EPG5: variants seen among roughly 807,000 people sequenced by gnomAD.
The protein encoded by EPG5 is ectopic P-granules 5 autophagy tethering factor.
Under a neutral mutation model 302.7 loss-of-function variants are expected in EPG5, and 159 were observed. That is an observed-to-expected ratio of 0.53 (90% confidence interval 0.46 to 0.60). EPG5 has a LOEUF of 0.60. Ranked by LOEUF, EPG5 falls within the 20% of genes least tolerant of loss-of-function variation. The pLI is 0.00. For missense variants in EPG5, 2,896 were observed against 3,092.4 expected (o/e 0.94, Z 1.51); for synonymous variants, 1,158 against 1,136.8 (o/e 1.02, Z -0.37).
chr18:45,892,038 A>C (rs2049363473), intron 27 of EPG5, among the ~76,000 whole-genome samples: 1 of 152,192 alleles, frequency 6.6e-6, no homozygotes, highest in Non-Finnish European at 1.5e-5. Flanking sequence ...ATAAGGAAGG[A>C]AGACACAGAA....
chr18:45,839,981 G>T, the EPG5 span, among the ~76,000 whole-genome samples: 1 of 152,092 alleles, frequency 6.6e-6, no homozygotes, highest in African/African-American at 2.4e-5. Context: ...TTGTGCTCAG[G>T]GTGCTCAGAA....
chr18:45,959,166 G>T (rs2051093102), intron 1 of EPG5, among the ~76,000 whole-genome samples: 1 of 152,204 alleles, frequency 6.6e-6, no homozygotes, highest in Non-Finnish European at 1.5e-5. Context: ...CAGCGGGCAA[G>T]GTGAACCCCT....
At chr18:45,887,683 T>C in intron 29 of EPG5, 68 bp downstream of exon 29, 1 of 1,315,072 alleles carries the variant, frequency 7.6e-7, no homozygotes, top group South Asian at 2.2e-5. Flanking sequence ...ATGCTGACTA[T>C]ATCCAAAGAA....
chr18:45,886,542 CA>C (rs2047360754), intron 29 of EPG5, among the ~76,000 whole-genome samples: 2 of 152,116 alleles, frequency 1.3e-5, no homozygotes, highest in African/African-American at 2.4e-5. Flanking sequence ...CACACATATA[CA>C]AGACAAACTA....
intron 16 of EPG5, among the ~76,000 whole-genome samples, chr18:45,920,249 G>T (rs1213035045): frequency 6.6e-6 from 1 of 152,156 alleles, no homozygotes; most frequent in African/African-American, 2.4e-5. Flanking sequence ...CCTTCATAGA[G>T]CAAACAGTCA....
chr18:45,857,831 T>C (rs758922509), intron 42 of EPG5, 22 bp downstream of exon 42: 31 of 1,603,848 alleles, frequency 1.9e-5, no homozygotes, highest in Non-Finnish European at 2.6e-5. Context: ...AGAACAACAG[T>C]GTTAGAAAGG....
chr18:45,864,289 G>A (rs1050247583), intron 39 of EPG5, among the ~76,000 whole-genome samples: 1 of 151,980 alleles, frequency 6.6e-6, no homozygotes, highest in Admixed American at 6.6e-5. Flanking sequence ...TGCAATCTGA[G>A]TATTTTCTTC....
chr18:45,900,634 T>C (rs2049593091), intron 26 of EPG5, among the ~76,000 whole-genome samples: 2 of 152,136 alleles, frequency 1.3e-5, no homozygotes, highest in South Asian at 4.1e-4. Flanking sequence ...TATGGAGAAG[T>C]AGAGAGTACA....
At chr18:45,838,183 C>T in the EPG5 span, among the ~76,000 whole-genome samples, 1 of 152,152 alleles carries the variant, frequency 6.6e-6, no homozygotes, top group African/African-American at 2.4e-5. Flanking sequence ...GACGAAGAGG[C>T]GAGAAAGACA....
chr18:45,818,051 G>A, the EPG5 span, among the ~76,000 whole-genome samples: 130 of 152,038 alleles, frequency 8.6e-4, no homozygotes, highest in African/African-American at 2.9e-3. Flanking sequence ...ACACTATATA[G>A]ACTATTCTAT....
intron 9 of EPG5, among the ~76,000 whole-genome samples, chr18:45,942,321 G>A (rs954366990): frequency 6.6e-6 from 1 of 152,114 alleles, no homozygotes; most frequent in African/African-American, 2.4e-5. Context: ...AAATGAATTA[G>A]GCCAGGCACG....
At position 45,903,991 on chromosome 18, in the gene EPG5, A is replaced by G; in HGVS notation, c.4456T>C (p.Phe1486Leu). Residue 1486 changes from phenylalanine (F) to leucine (L), a missense_variant, in exon 25 of 44, where the codon TTC becomes CTC. By Grantham distance (22) the Phe-to-Leu change is conservative. This residue lies in a region of EPG5 where 790 missense variants were observed against 798.0 expected (regional missense o/e 0.99). Coordinates refer to ENST00000282041, the MANE Select transcript of EPG5 (RefSeq NM_020964.3). ...TPCSLSVQLD[F>L]TDPLLAKERV... ...GACCCACCCAGCAAAGGATCAGTGA[A>G]GTCCAGCTGCACGGACAAACTGCAG... 6.2e-7 allele frequency: 1 copy of G among 1,610,440 alleles called. No individual in the cohort carries two copies.
the EPG5 span, among the ~76,000 whole-genome samples, chr18:45,839,895 CTT>C: frequency 6.6e-6 from 1 of 152,144 alleles, no homozygotes; most frequent in Non-Finnish European, 1.5e-5. Flanking sequence ...TGAGATCAGA[CTT>C]TGTCACAGTG....
intron 2 of EPG5, chr18:45,954,080 T>G: frequency 3.7e-6 from 1 of 271,628 alleles, no homozygotes; most frequent in Non-Finnish European, 5.6e-6. Flanking sequence ...TTTCTAGTTT[T>G]TCTTGTAAAA....
At chr18:45,965,880 C>T (rs899085049) in intron 1 of EPG5, among the ~76,000 whole-genome samples, 1 of 151,162 alleles carries the variant, frequency 6.6e-6, no homozygotes, top group Non-Finnish European at 1.5e-5. Flanking sequence ...AAGGAGAAAC[C>T]CCGTCTCTAC....
intron 16 of EPG5, among the ~76,000 whole-genome samples, chr18:45,921,130 C>T (rs547136775): frequency 1.2e-4 from 19 of 152,254 alleles, no homozygotes; most frequent in African/African-American, 4.3e-4. Flanking sequence ...ATAGTACTGC[C>T]GATTTATTTA....
Position 45,910,562 on chromosome 18 carries a change from A to T in EPG5, c.4164T>A (p.Pro1388=), listed in dbSNP as rs759352136. Residue 1388 remains proline (P), a synonymous_variant, in exon 23 of 44, where the codon CCT becomes CCA. Coordinates refer to ENST00000282041, the MANE Select transcript of EPG5 (RefSeq NM_020964.3). Reference sequence around the variant, plus strand: ...GCAGTTCTGGTGAAGTCAGGTAACCAGGGGTGCCAGAGTGGCTCTCTGGCA... The same window carrying T: ...GCAGTTCTGGTGAAGTCAGGTAACCTGGGGTGCCAGAGTGGCTCTCTGGCA... ...EGLPESHSGT[P]GYLTSPELHK... is the part of the protein sequence containing the mutation. The T allele has an allele frequency of 6.2e-7, 1 of 1,613,474 alleles. No homozygotes were observed. The highest frequency in any genetic ancestry group is 1.7e-5 in the Admixed American group (1 of 59,968).
intron 1 of EPG5, among the ~76,000 whole-genome samples, chr18:45,965,761 A>G (rs1358192090): frequency 6.6e-6 from 1 of 152,222 alleles, no homozygotes; most frequent in Non-Finnish European, 1.5e-5. Flanking sequence ...CTTAGAAAAT[A>G]TATATAAATA....
chr18:45,935,087 G>T, intron 10 of EPG5, 121 bp from the exon 11 acceptor site: 1 of 1,054,388 alleles, frequency 9.5e-7, no homozygotes, highest in Non-Finnish European at 1.4e-6. Flanking sequence ...TTTCTAATAT[G>T]CTTTAGTCAT....
Sources: gnomAD v4.1 joint callset for allele counts (sites outside exome capture counted in the v4.1 genomes callset) on GRCh38, gnomAD v4.1.1 for gene constraint, gnomAD v4.1.1 regional missense constraint, MANE v1.5 for transcripts, NCBI Gene and HGNC (gene_info 2026-07-23, HGNC 2026-07-21) for gene names.